The following CFAP54 variants were observed in gnomAD, a reference collection of about 807,000 sequenced individuals.
The protein encoded by CFAP54 is cilia and flagella associated protein 54, also known as cilia- and flagella-associated protein 54.
CFAP54 carries 290 observed loss-of-function variants against 370.4 expected under a neutral mutation model. The observed-to-expected ratio is 0.78, with a 90% CI of 0.71 to 0.86. The LOEUF is 0.86. Ranked by LOEUF, CFAP54 falls within the 40% of genes least tolerant of loss-of-function variation. CFAP54 has a pLI of 0.00. For synonymous variants in CFAP54, 1,206 were observed against 1,236.5 expected, an observed-to-expected ratio of 0.98 and a Z score of 0.52; for missense variants, 3,399 against 3,528.7, an observed-to-expected ratio of 0.96 and a Z score of 0.93.
chr12:96,829,184 G>A, intron 66 of CFAP54, 96 bp downstream of exon 66: 1 of 587,922 alleles, frequency 1.7e-6, no homozygotes, highest in Non-Finnish European at 2.8e-6. Context: ...AAGTATCAAG[G>A]GCCTAACCCT....
chr12:96,528,749 C>T (rs1396345099), intron 9 of CFAP54, among the ~76,000 whole-genome samples: 1 of 152,110 alleles, frequency 6.6e-6, no homozygotes, highest in African/African-American at 2.4e-5. Flanking sequence ...CCTTGTTGAT[C>T]TTCCCTATTG....
intron 49 of CFAP54, 50 bp from the exon 50 acceptor site, chr12:96,720,355 G>A: frequency 3.1e-6 from 4 of 1,300,694 alleles, no homozygotes; most frequent in Non-Finnish European, 4.0e-6. Context: ...GAAAGAGACA[G>A]TATTTGTATT....
At chr12:96,845,525 G>A (rs931460195) in intron 66 of CFAP54, among the ~76,000 whole-genome samples, 2 of 152,142 alleles carry the variant, frequency 1.3e-5, no homozygotes, top group Non-Finnish European at 2.9e-5. Context: ...GGTTGATGTG[G>A]GAGTACAAAG....
intron 36 of CFAP54, among the ~76,000 whole-genome samples, chr12:96,652,380 G>T (rs1662821303): frequency 6.6e-6 from 1 of 152,180 alleles, no homozygotes; most frequent in African/African-American, 2.4e-5. Context: ...TTTGGCAATG[G>T]CAGAAAAGAC....
At chr12:96,567,263 A>C (rs1050784662) in intron 19 of CFAP54, among the ~76,000 whole-genome samples, 1 of 152,164 alleles carries the variant, frequency 6.6e-6, no homozygotes, top group Non-Finnish European at 1.5e-5. Flanking sequence ...TAAGGGTAGG[A>C]GTCGGGTGGG....
intron 39 of CFAP54, among the ~76,000 whole-genome samples, chr12:96,676,416 T>G (rs987020032): frequency 1.3e-5 from 2 of 152,202 alleles, no homozygotes; most frequent in Non-Finnish European, 2.9e-5. Flanking sequence ...GGCTGAATAT[T>G]TGTGGTCCCC....
rs1191166674 is a variant in CFAP54, at chr12:96,708,721, T to A, written c.6642T>A (p.Ala2214=). 2.5e-6 allele frequency: 4 copies of A among 1,612,598 alleles called. No individual in the cohort carries two copies. Among genetic ancestry groups the A allele is most frequent in the Non-Finnish European group, 3.4e-6 (4 of 1,179,508 alleles). Residue 2214 remains alanine, a synonymous_variant, in exon 48 of 68, where the codon GCT becomes GCA. Coordinates refer to ENST00000524981, the MANE Select transcript of CFAP54 (RefSeq NM_001306084.2). ...FVKAYFFLSV[A]ATINCVPENK... ...AAGCATACTTTTTCCTAAGTGTGGCTGCGACAATAAATTGTGTCCCAGAAA... is the reference window on the plus strand; with the variant it reads ...AAGCATACTTTTTCCTAAGTGTGGCAGCGACAATAAATTGTGTCCCAGAAA...
chr12:96,555,124 G>T (rs1406725879), intron 17 of CFAP54, among the ~76,000 whole-genome samples: 3 of 151,932 alleles, frequency 2.0e-5, no homozygotes, highest in African/African-American at 4.8e-5. Context: ...TATTAGGCTA[G>T]GTGCCAATAA....
Position 96,773,538 on chromosome 12 carries a change from G to A in CFAP54, c.8281+8320G>A, listed in dbSNP as rs147372780. Among the ~76,000 whole-genome samples, 150 of 152,302 alleles carry A rather than the reference G, an allele frequency of 9.8e-4. No individual in the cohort carries two copies. In the East Asian group the frequency reaches 0.025, roughly 25 times the overall value. On this transcript the variant is annotated intron_variant, in intron 60 of 67. Transcript: ENST00000524981. ...ATATTTGGAGTTTAAGATGGATGTTGAGTGAACCAACCTGGTATATGCACT... is the reference window on the plus strand; with the variant it reads ...ATATTTGGAGTTTAAGATGGATGTTAAGTGAACCAACCTGGTATATGCACT...
intron 50 of CFAP54, among the ~76,000 whole-genome samples, chr12:96,728,407 C>T (rs1200594095): frequency 6.6e-6 from 1 of 152,144 alleles, no homozygotes; most frequent in Non-Finnish European, 1.5e-5. Context: ...AACTTCCCTT[C>T]TCGCTTCATT....
intron 64 of CFAP54, among the ~76,000 whole-genome samples, chr12:96,812,550 A>T (rs867331096): frequency 1.3e-5 from 2 of 152,162 alleles, no homozygotes; most frequent in African/African-American, 2.4e-5. Context: ...GATGGAAATG[A>T]TCATAACTGC....
chr12:96,693,676 T>C, intron 44 of CFAP54, 46 bp from the exon 45 acceptor site: 2 of 1,251,072 alleles, frequency 1.6e-6, no homozygotes, highest in African/African-American at 1.5e-5. Flanking sequence ...AGGTTATTAG[T>C]TTGATAAAAT....
In CFAP54 at chr12:96,576,752, A is replaced by C; in HGVS notation, c.2787A>C (p.Ser929=). ...SVTLKPAPFT[S]EVKVSWYCIL... ...CACTCAAACCTGCTCCATTTACTTC[A>C]GAGGTTAAGGTATGGTGTCCAGTAA... The change falls in exon 20 of 68, where the codon TCA becomes TCC. Residue 929 remains serine (S), a synonymous_variant. Transcript: ENST00000524981. The C allele has an allele frequency of 6.5e-7, 1 of 1,534,306 alleles. No individual in the cohort carries two copies. The highest frequency in any genetic ancestry group is 2.4e-5 in the East Asian group (1 of 40,896).
chr12:96,546,636 A>G (rs1255346082), intron 14 of CFAP54, among the ~76,000 whole-genome samples: 1 of 152,112 alleles, frequency 6.6e-6, no homozygotes, highest in African/African-American at 2.4e-5. Flanking sequence ...CAAGACCAGT[A>G]TGGCCAACAT....
intron 62 of CFAP54, 149 bp from the exon 63 acceptor site, chr12:96,792,180 T>C: frequency 3.0e-6 from 2 of 656,522 alleles, no homozygotes; most frequent in Non-Finnish European, 4.9e-6. Flanking sequence ...GAATCTTCTC[T>C]GTAGTAAGCC....
intron 65 of CFAP54, among the ~76,000 whole-genome samples, chr12:96,825,457 A>T (rs1369967660): frequency 1.7e-5 from 2 of 116,122 alleles, no homozygotes; most frequent in East Asian, 2.4e-4. Context: ...TATTATATAT[A>T]ATATAATATA....
chr12:96,499,957 C>G (rs1356969011), intron 1 of CFAP54, among the ~76,000 whole-genome samples: 3 of 148,906 alleles, frequency 2.0e-5, no homozygotes, highest in Admixed American at 6.7e-5. Flanking sequence ...AAAAACAAAA[C>G]AAAACAAAAC....
At chr12:96,671,269 G>A (rs1957142984) in intron 39 of CFAP54, among the ~76,000 whole-genome samples, 1 of 152,182 alleles carries the variant, frequency 6.6e-6, no homozygotes, top group Non-Finnish European at 1.5e-5. Context: ...ACTGCTCCCA[G>A]CCTGAGCATT....
intron 55 of CFAP54, among the ~76,000 whole-genome samples, chr12:96,752,874 C>T (rs1484125964): frequency 2.0e-5 from 3 of 152,158 alleles, no homozygotes; most frequent in Admixed American, 6.5e-5. Context: ...GTTCAAATTA[C>T]GGCTCTTCTG....
Sources: gnomAD v4.1 joint callset for allele counts (sites outside exome capture counted in the v4.1 genomes callset) on GRCh38, gnomAD v4.1.1 for gene constraint, MANE v1.5 for transcripts, NCBI Gene and HGNC (gene_info 2026-07-23, HGNC 2026-07-21) for gene names.